RBM33: variants seen among roughly 807,000 people sequenced by gnomAD.
The protein encoded by RBM33 is RNA binding motif protein 33.
A neutral mutation model predicts 132.6 loss-of-function variants in RBM33; 28 were observed. That is an observed-to-expected ratio of 0.21 (90% CI 0.16 to 0.29). The LOEUF (loss-of-function observed/expected upper bound fraction) is 0.29. Ranked by LOEUF, RBM33 falls within the 10% of genes least tolerant of loss-of-function variation. The pLI, the probability that RBM33 is intolerant of heterozygous loss-of-function variation, is 1.00. For missense variants in RBM33, 1,291 were observed against 1,518.5 expected, an observed-to-expected ratio of 0.85 and a Z score of 2.49; for synonymous variants, 634 against 593.0, an observed-to-expected ratio of 1.07 and a Z score of -1.01.
At chr7:155,738,686 A>G in intron 11 of RBM33, 2 of 383,132 alleles carry the variant, frequency 5.2e-6, no homozygotes, top group Non-Finnish European at 9.3e-6. Flanking sequence ...ACATGTTTTG[A>G]TAATACATTT....
chr7:155,690,231 T>C (rs1367901562), intron 5 of RBM33, among the ~76,000 whole-genome samples: 2 of 152,206 alleles, frequency 1.3e-5, no homozygotes, highest in Non-Finnish European at 2.9e-5. Context: ...GTAATGCCCT[T>C]CTTTGTCTCT....
At chr7:155,678,523 C>A in intron 3 of RBM33, 85 bp from the exon 4 acceptor site, 1 of 837,828 alleles carries the variant, frequency 1.2e-6, no homozygotes, top group Non-Finnish European at 1.9e-6. Context: ...AGGCTAGGAA[C>A]AATTCAGTCA....
chr7:155,737,386 T>TGTGTGG, intron 9 of RBM33, 144 bp from the exon 10 acceptor site: 1 of 689,574 alleles, frequency 1.5e-6, no homozygotes. Context: ...TGTGTGTGTG[T>TGTGTGG]AGAAAGAGAA....
chr7:155,683,439 AC>A (rs1799390521), intron 5 of RBM33, among the ~76,000 whole-genome samples: 1 of 152,090 alleles, frequency 6.6e-6, no homozygotes, highest in African/African-American at 2.4e-5. Context: ...TGGGTTGTTA[AC>A]CCCCACTCTA....
intron 9 of RBM33, among the ~76,000 whole-genome samples, chr7:155,725,004 G>T (rs1387219935): frequency 4.7e-4 from 62 of 131,554 alleles, no homozygotes; most frequent in African/African-American, 1.7e-3. Context: ...GTGTGTGTGT[G>T]TGTGTGTGTG....
intron 1 of RBM33, among the ~76,000 whole-genome samples, chr7:155,648,882 T>C (rs182418884): frequency 5.3e-4 from 80 of 152,338 alleles, no homozygotes; most frequent in Admixed American, 4.2e-3. Flanking sequence ...GTTAATCTTA[T>C]GGAGGATCCT....
Position 155,644,871 on chromosome 7 carries a change from A to C in RBM33, c.-6A>C. ...GGGAGGCTGAAGGCCGGGCCCCGCGAGTGCCATGGCGGCCGCCCTGGGAGC... is the reference window on the plus strand; with the variant it reads ...GGGAGGCTGAAGGCCGGGCCCCGCGCGTGCCATGGCGGCCGCCCTGGGAGC... On this transcript the variant is annotated 5_prime_UTR_variant, in exon 1 of 18. Coordinates refer to ENST00000401878, the MANE Select transcript of RBM33 (RefSeq NM_053043.3). The C allele has an allele frequency of 6.7e-7, 1 of 1,491,704 alleles. No individual in the cohort carries two copies. The highest frequency in any genetic ancestry group is 1.3e-5 in the South Asian group (1 of 79,866). The allele number at this position is 1,491,704 out of a possible 1,614,324, so 92.4% of individuals were successfully genotyped here.
intron 5 of RBM33, among the ~76,000 whole-genome samples, chr7:155,697,682 A>C (rs1799835096): frequency 1.3e-5 from 2 of 152,134 alleles, no homozygotes; most frequent in Admixed American, 1.3e-4. Context: ...GAACACTGAG[A>C]TCATACTTTC....
chr7:155,652,161 A>G (rs1303504377), intron 1 of RBM33, among the ~76,000 whole-genome samples: 2 of 152,226 alleles, frequency 1.3e-5, no homozygotes, highest in Non-Finnish European at 2.9e-5. Context: ...CATATTATAC[A>G]TGAGTGTGAT....
intron 1 of RBM33, among the ~76,000 whole-genome samples, chr7:155,651,062 G>A (rs1245518114): frequency 6.6e-6 from 1 of 152,134 alleles, no homozygotes; most frequent in Non-Finnish European, 1.5e-5. Flanking sequence ...ATTTTTAGTA[G>A]AGACGGGGTT....
chr7:155,670,936 A>G (rs1039816269), intron 2 of RBM33, among the ~76,000 whole-genome samples: 5 of 152,212 alleles, frequency 3.3e-5, no homozygotes, highest in African/African-American at 1.2e-4. Context: ...ATTTCCATGT[A>G]CTTGTCAGCA....
intron 5 of RBM33, among the ~76,000 whole-genome samples, chr7:155,684,213 G>T (rs1156656731): frequency 6.6e-6 from 1 of 152,216 alleles, no homozygotes; most frequent in African/African-American, 2.4e-5. Context: ...ACTCTTTGAG[G>T]TTGTCTGCTT....
In RBM33 at chr7:155,682,978, A is replaced by AT. The variant is rs563473266; in HGVS notation, c.567+2079dup. On this transcript the variant is annotated intron_variant, in intron 5 of 17. Transcript: ENST00000401878. Reference sequence around the variant, plus strand: ...ACGGTACTCTTCCACATTAAAATGAATTTTTTTTTCAGAATTAAAGTCTTG... The same window carrying AT: ...ACGGTACTCTTCCACATTAAAATGAATTTTTTTTTTCAGAATTAAAGTCTTG... Among the ~76,000 whole-genome samples the AT allele has an allele frequency of 5.7e-4, 86 of 151,168 alleles. 3 individuals carry two copies. The South Asian group carries it at 0.014, about 24-fold the overall frequency.
intron 1 of RBM33, among the ~76,000 whole-genome samples, chr7:155,654,617 A>G (rs1798443401): frequency 1.3e-5 from 2 of 152,132 alleles, no homozygotes; most frequent in South Asian, 2.1e-4. Flanking sequence ...ATGCCCATCT[A>G]CTTGACAAAA....
In RBM33 at chr7:155,766,336, A is replaced by G; in HGVS notation, c.3187-131A>G. 2.9e-6 allele frequency: 3 copies of G among 1,038,958 alleles called. No homozygotes were observed. The South Asian group carries it at 4.5e-5, about 16-fold the overall frequency. The allele number at this position is 1,038,958 out of a possible 1,614,324, so 64.4% of individuals were successfully genotyped here. On this transcript the variant is annotated intron_variant, in intron 15 of 17. Coordinates refer to ENST00000401878, the MANE Select transcript of RBM33 (RefSeq NM_053043.3). The stretch of plus-strand genomic sequence containing the variant: ...AAACATTCTCTGATAGTGGATAGAA[A>G]ACTACAGAAAATCCTGTAGCTCATG...
chr7:155,682,014 G>C (rs944069282), intron 5 of RBM33, among the ~76,000 whole-genome samples: 1 of 151,740 alleles, frequency 6.6e-6, no homozygotes, highest in Non-Finnish European at 1.5e-5. Context: ...TCCACCTTCT[G>C]GGTTCAAACA....
chr7:155,667,837 A>T lies in RBM33; in HGVS notation c.122+2584A>T, dbSNP rs913583671. On this transcript the variant is annotated intron_variant, in intron 2 of 17. Transcript: ENST00000401878. The stretch of plus-strand genomic sequence containing the variant: ...AGTCTGCCTGAAATTGATTGAATTG[A>T]TTGATTTTTAGTTACTAACAAGTTC... 6.6e-5 allele frequency among the ~76,000 whole-genome samples: 10 copies of T among 152,228 alleles called. No individual in the cohort carries two copies. In the East Asian group the frequency reaches 1.9e-3, roughly 29 times the overall value.
Position 155,775,536 on chromosome 7 carries a change from T to G in RBM33, c.*495T>G, listed in dbSNP as rs1453221544. 1.1e-5 allele frequency: 2 copies of G among 176,976 alleles called. No individual in the cohort carries two copies. The highest frequency in any genetic ancestry group is 2.4e-5 in the Non-Finnish European group (2 of 81,676). 11.0% of individuals were successfully genotyped at this position (176,976 alleles called of 1,614,324 possible). ...GCCCTCAAAAGGCTCTTGTACAAAA[T>G]GTAGATTAAAATTTGGGTGATTGTT... On this transcript the variant is annotated 3_prime_UTR_variant, in exon 18 of 18. Transcript: ENST00000401878.
intron 9 of RBM33, among the ~76,000 whole-genome samples, chr7:155,733,250 A>T (rs1801010200): frequency 6.6e-6 from 1 of 152,182 alleles, no homozygotes; most frequent in East Asian, 1.9e-4. Context: ...TACCATTTTT[A>T]TGTCTAAGTC....
Sources: allele counts gnomAD v4.1 joint callset (sites outside exome capture counted in the v4.1 genomes callset), GRCh38; gene constraint gnomAD v4.1.1; transcripts MANE v1.5; gene names NCBI Gene and HGNC (gene_info 2026-07-23, HGNC 2026-07-21).